Variants in CACNA2D3 observed in about 807,000 individuals in gnomAD.
CACNA2D3 encodes the protein voltage-dependent calcium channel subunit alpha-2/delta-3.
A neutral mutation model predicts 160.6 loss-of-function variants in CACNA2D3; 60 were observed. The observed-to-expected ratio is 0.37, with a 90% CI of 0.30 to 0.46. The LOEUF (loss-of-function observed/expected upper bound fraction) is 0.46, where lower values mean the gene tolerates loss of function less well. CACNA2D3 is among the 20% of genes least tolerant of loss of function. The pLI is 1.00. For missense variants in CACNA2D3, 1,205 were observed against 1,365.0 expected (o/e 0.88, Z 1.85); for synonymous variants, 558 against 492.9 (o/e 1.13, Z -1.75).
At chr3:54,521,956 T>G (rs1360164429) in intron 5 of CACNA2D3, among the ~76,000 whole-genome samples, 1 of 152,218 alleles carries the variant, frequency 6.6e-6, no homozygotes, top group Non-Finnish European at 1.5e-5. Context: ...GTAGTAAAAT[T>G]TGAAATCAGC....
intron 2 of CACNA2D3, among the ~76,000 whole-genome samples, chr3:54,264,936 A>G (rs1022176795): frequency 6.6e-6 from 1 of 152,190 alleles, no homozygotes; most frequent in Admixed American, 6.5e-5. Context: ...ATGGCTGCAT[A>G]GTATTCCATG....
intron 4 of CACNA2D3, among the ~76,000 whole-genome samples, chr3:54,476,441 T>G (rs1700832913): frequency 6.6e-6 from 1 of 152,086 alleles, no homozygotes; most frequent in Non-Finnish European, 1.5e-5. Context: ...GATTGCTGGA[T>G]CATATGGTAG....
At chr3:54,312,184 T>C (rs1230335702) in intron 2 of CACNA2D3, among the ~76,000 whole-genome samples, 1 of 152,164 alleles carries the variant, frequency 6.6e-6, no homozygotes, top group Non-Finnish European at 1.5e-5. Context: ...GCTCCACATT[T>C]TCACTTGGGG....
At chr3:54,489,585 C>T (rs1190033596) in intron 4 of CACNA2D3, among the ~76,000 whole-genome samples, 1 of 152,198 alleles carries the variant, frequency 6.6e-6, no homozygotes, top group African/African-American at 2.4e-5. Flanking sequence ...GTTATAAACT[C>T]ATTTTATAGA....
At chr3:54,478,748 TCC>T (rs1700884306) in intron 4 of CACNA2D3, among the ~76,000 whole-genome samples, 1 of 126,920 alleles carries the variant, frequency 7.9e-6, no homozygotes, top group Non-Finnish European at 1.7e-5. Context: ...GTCAGGTGTA[TCC>T]ACGCTGTCTA....
chr3:54,965,194 T>C (rs531032812), intron 27 of CACNA2D3, among the ~76,000 whole-genome samples: 3 of 152,010 alleles, frequency 2.0e-5, no homozygotes, highest in East Asian at 3.9e-4. Context: ...AAGAAAACTT[T>C]ATTTACAAAA....
intron 37 of CACNA2D3, 30 bp from the exon 38 acceptor site, chr3:55,074,074 AGTCTATTTCC>A: frequency 6.6e-7 from 1 of 1,522,146 alleles, no homozygotes; most frequent in South Asian, 1.1e-5. Context: ...GGTGTCCTGG[AGTCTATTTCC>A]GTCTAACCAA....
chr3:55,020,945 C>T (rs959334485), intron 35 of CACNA2D3, among the ~76,000 whole-genome samples: 1 of 151,944 alleles, frequency 6.6e-6, no homozygotes, highest in Admixed American at 6.6e-5. Flanking sequence ...AGGAGAGTGG[C>T]GATACTTTTT....
At chr3:54,240,240 G>A (rs1701951630) in intron 2 of CACNA2D3, among the ~76,000 whole-genome samples, 1 of 152,036 alleles carries the variant, frequency 6.6e-6, no homozygotes, top group African/African-American at 2.4e-5. Flanking sequence ...TGTTGTTGAA[G>A]TGAAAACATC....
At chr3:54,240,887 A>G (rs1701962974) in intron 2 of CACNA2D3, among the ~76,000 whole-genome samples, 1 of 151,890 alleles carries the variant, frequency 6.6e-6, no homozygotes, top group Admixed American at 6.6e-5. Flanking sequence ...GATTACAGGC[A>G]CCTGCTGCTA....
chr3:54,855,939 T>C, intron 17 of CACNA2D3, among the ~76,000 whole-genome samples: 1 of 152,332 alleles, frequency 6.6e-6, no homozygotes, highest in African/African-American at 2.4e-5. Flanking sequence ...TGTAAAACTT[T>C]AGTCCTCTCA....
chr3:54,931,766 A>G (rs968658824), intron 27 of CACNA2D3, among the ~76,000 whole-genome samples: 8 of 152,196 alleles, frequency 5.3e-5, no homozygotes, highest in African/African-American at 1.4e-4. Context: ...ATGTTAGTCT[A>G]TTTACCATTT....
chr3:54,717,800 G>A lies in CACNA2D3; in HGVS notation c.1168-34799G>A, dbSNP rs1429040288. Reference sequence around the variant, plus strand: ...GTGTGCATGTGCGTGTGTGGTGTGCGTGTGTGCGCATGTTTGCGTGTGTGT... The same window carrying A: ...GTGTGCATGTGCGTGTGTGGTGTGCATGTGTGCGCATGTTTGCGTGTGTGT... On this transcript the variant is annotated intron_variant, in intron 11 of 37. Coordinates refer to ENST00000474759, the MANE Select transcript of CACNA2D3 (RefSeq NM_018398.3). 1.2e-4 allele frequency among the ~76,000 whole-genome samples: 11 copies of A among 89,396 alleles called. No individual in the cohort carries two copies. The East Asian group carries it at 1.6e-3, about 13-fold the overall frequency. The allele number at this position is 89,396 out of a possible 152,430, so 58.6% of individuals were successfully genotyped here.
At chr3:54,350,475 G>A (rs1040402678) in intron 3 of CACNA2D3, among the ~76,000 whole-genome samples, 6 of 152,140 alleles carry the variant, frequency 3.9e-5, no homozygotes, top group Middle Eastern at 3.2e-3. Flanking sequence ...TGCAAGTGGA[G>A]GGGTACCACT....
At chr3:54,391,695 G>T (rs1699285299) in intron 4 of CACNA2D3, among the ~76,000 whole-genome samples, 1 of 151,992 alleles carries the variant, frequency 6.6e-6, no homozygotes, top group Admixed American at 6.6e-5. Flanking sequence ...ATTTTTTGTG[G>T]ATACCGGGTT....
chr3:54,620,207 A>C (rs1243288987), intron 9 of CACNA2D3, among the ~76,000 whole-genome samples: 1 of 152,196 alleles, frequency 6.6e-6, no homozygotes, highest in East Asian at 1.9e-4. Context: ...GATAGGAGCC[A>C]CATCTCTGTT....
chr3:54,687,135 G>GTTTTTTTTTTTTTTTTTT (rs1290353261), intron 11 of CACNA2D3, among the ~76,000 whole-genome samples: 4 of 88,894 alleles, frequency 4.5e-5, no homozygotes, highest in Non-Finnish European at 8.7e-5. Context: ...TTTTTTTTTT[G>GTTTTTTTTTTTTTTTTTT]TTTTTTTTTT....
intron 5 of CACNA2D3, among the ~76,000 whole-genome samples, chr3:54,522,594 G>C (rs898574313): frequency 2.0e-5 from 3 of 152,104 alleles, no homozygotes; most frequent in Non-Finnish European, 4.4e-5. Context: ...TTTGCTCATA[G>C]TTCCAGAGAC....
intron 18 of CACNA2D3, among the ~76,000 whole-genome samples, chr3:54,878,014 A>G (rs1050170947): frequency 2.6e-5 from 4 of 152,194 alleles, no homozygotes; most frequent in African/African-American, 7.2e-5. Flanking sequence ...AGTAAAATAT[A>G]TGTTTTATTT....
Sources: gnomAD v4.1 joint callset for allele counts (sites outside exome capture counted in the v4.1 genomes callset) on GRCh38, gnomAD v4.1.1 for gene constraint, MANE v1.5 for transcripts, NCBI Gene and HGNC (gene_info 2026-07-23, HGNC 2026-07-21) for gene names.